Variants in SLC25A21 observed in about 807,000 individuals in gnomAD.
SLC25A21 encodes mitochondrial 2-oxodicarboxylate carrier.
Under a neutral mutation model 43.8 loss-of-function variants are expected in SLC25A21, and 47 were observed. The observed-to-expected ratio is 1.07, with a 90% CI of 0.85 to 1.37. The LOEUF is 1.37. SLC25A21 is among the 40% of genes most tolerant of loss of function. The pLI is 0.00. For missense variants in SLC25A21, 352 were observed against 350.2 expected (o/e 1.00, Z -0.04); for synonymous variants, 131 against 121.3 (o/e 1.08, Z -0.52).
chr14:36,799,913 T>C (rs1042777364), intron 3 of SLC25A21, among the ~76,000 whole-genome samples: 5 of 152,188 alleles, frequency 3.3e-5, no homozygotes, highest in African/African-American at 1.2e-4. Flanking sequence ...ATATGTAGTA[T>C]TATTATTCCT....
At chr14:36,703,774 T>C (rs2139174517) in intron 7 of SLC25A21, among the ~76,000 whole-genome samples, 1 of 152,342 alleles carries the variant, frequency 6.6e-6, no homozygotes, top group South Asian at 2.1e-4. Flanking sequence ...TTTATTTGCA[T>C]GTCAACATCA....
chr14:36,912,230 A>G (rs1891705797), intron 1 of SLC25A21, among the ~76,000 whole-genome samples: 1 of 152,236 alleles, frequency 6.6e-6, no homozygotes, highest in South Asian at 2.1e-4. Flanking sequence ...ACAAATAGTT[A>G]GCAGTTACTG....
chr14:36,705,099 G>C (rs1433465861), intron 7 of SLC25A21, among the ~76,000 whole-genome samples: 1 of 152,010 alleles, frequency 6.6e-6, no homozygotes, highest in Non-Finnish European at 1.5e-5. Flanking sequence ...GCCCAGGCTG[G>C]GTGCAATCTC....
chr14:36,855,174 A>G (rs1889862012), intron 2 of SLC25A21, among the ~76,000 whole-genome samples: 1 of 152,026 alleles, frequency 6.6e-6, no homozygotes, highest in South Asian at 2.1e-4. Context: ...TGAGAACTCC[A>G]AGGAGGATTA....
At chr14:36,804,922 G>GT (rs1566630158) in intron 3 of SLC25A21, among the ~76,000 whole-genome samples, 1 of 152,202 alleles carries the variant, frequency 6.6e-6, no homozygotes, top group East Asian at 1.9e-4. Flanking sequence ...TAATGTGACT[G>GT]TACTTCTAGC....
At position 36,680,199 on chromosome 14, in the gene SLC25A21, T is replaced by C; in HGVS notation, c.*459A>G. The C allele has an allele frequency of 1.2e-6, 1 of 849,292 alleles. No homozygotes were observed. The highest frequency in any genetic ancestry group is 1.4e-6 in the Non-Finnish European group (1 of 706,480). The allele number at this position is 849,292 out of a possible 1,614,324, so 52.6% of individuals were successfully genotyped here. On this transcript the variant is annotated 3_prime_UTR_variant, in exon 10 of 10. Coordinates refer to ENST00000331299, the MANE Select transcript of SLC25A21 (RefSeq NM_030631.4). ...AATATTATTTATGGAATAATTTAATTCATTATAAAAACTGCTTAAATTTTG... is the reference window on the plus strand; with the variant it reads ...AATATTATTTATGGAATAATTTAATCCATTATAAAAACTGCTTAAATTTTG...
At chr14:36,984,948 T>C (rs1225754808) in intron 1 of SLC25A21, among the ~76,000 whole-genome samples, 2 of 151,140 alleles carry the variant, frequency 1.3e-5, no homozygotes, top group South Asian at 2.1e-4. Flanking sequence ...AATGATAGAC[T>C]GGATTAAGAA....
intron 1 of SLC25A21, among the ~76,000 whole-genome samples, chr14:37,027,013 A>G (rs1054398660): frequency 6.6e-6 from 1 of 152,128 alleles, no homozygotes; most frequent in Non-Finnish European, 1.5e-5. Context: ...CAATCTTAGG[A>G]AATTGTTTAA....
intron 1 of SLC25A21, among the ~76,000 whole-genome samples, chr14:37,136,781 G>A (rs1963487912): frequency 6.6e-6 from 1 of 152,112 alleles, no homozygotes; most frequent in Admixed American, 6.6e-5. Flanking sequence ...AATGTATATT[G>A]CTTGGTGAAA....
chr14:36,756,180 G>A (rs918902718), intron 3 of SLC25A21, among the ~76,000 whole-genome samples: 3 of 152,342 alleles, frequency 2.0e-5, no homozygotes, highest in African/African-American at 7.2e-5. Flanking sequence ...TGTGATCCCT[G>A]CCAGGGCCTG....
intron 1 of SLC25A21, among the ~76,000 whole-genome samples, chr14:36,902,682 A>G (rs1212417289): frequency 6.6e-6 from 1 of 152,204 alleles, no homozygotes; most frequent in African/African-American, 2.4e-5. Context: ...CAAAATTTCT[A>G]TATTCCCAAA....
intron 6 of SLC25A21, among the ~76,000 whole-genome samples, chr14:36,720,884 C>G (rs1884345399): frequency 6.6e-6 from 1 of 152,178 alleles, no homozygotes; most frequent in Admixed American, 6.5e-5. Context: ...TGTAAGCAGG[C>G]TGCCAGTCCG....
At chr14:36,827,775 A>C (rs1020195085) in intron 2 of SLC25A21, among the ~76,000 whole-genome samples, 4 of 152,354 alleles carry the variant, frequency 2.6e-5, no homozygotes, top group African/African-American at 9.6e-5. Context: ...AAATACATAC[A>C]ATTTTTGTTA....
chr14:37,170,378 A>T (rs1473821849), intron 1 of SLC25A21, among the ~76,000 whole-genome samples: 2 of 152,130 alleles, frequency 1.3e-5, no homozygotes, highest in East Asian at 3.9e-4. Flanking sequence ...GCTGTGCCTA[A>T]TACATAGTAT....
At chr14:36,985,625 C>A (rs2138705760) in intron 1 of SLC25A21, among the ~76,000 whole-genome samples, 1 of 152,234 alleles carries the variant, frequency 6.6e-6, no homozygotes, top group African/African-American at 2.4e-5. Context: ...TATGTTATGA[C>A]CTCAGGGCAA....
chr14:37,123,820 C>A (rs1222353389), intron 1 of SLC25A21, among the ~76,000 whole-genome samples: 4 of 151,970 alleles, frequency 2.6e-5, no homozygotes, highest in Non-Finnish European at 5.9e-5. Context: ...CCCTAGGAGT[C>A]TGAGACCAGC....
chr14:36,921,911 A>G (rs1891989445), intron 1 of SLC25A21, among the ~76,000 whole-genome samples: 1 of 151,906 alleles, frequency 6.6e-6, no homozygotes, highest in African/African-American at 2.4e-5. Context: ...TTGGGAGGCC[A>G]AGATGAGTGA....
intron 1 of SLC25A21, among the ~76,000 whole-genome samples, chr14:36,967,918 T>C (rs1017599905): frequency 1.3e-5 from 2 of 152,142 alleles, no homozygotes; most frequent in African/African-American, 4.8e-5. Flanking sequence ...ATCCATCAAA[T>C]GGTCACCCAA....
At chr14:36,762,559 G>T (rs939570944) in intron 3 of SLC25A21, among the ~76,000 whole-genome samples, 3 of 152,218 alleles carry the variant, frequency 2.0e-5, no homozygotes, top group African/African-American at 7.2e-5. Flanking sequence ...CCTGAATATT[G>T]CAAATTAATC....
Sources: allele counts gnomAD v4.1 joint callset (sites outside exome capture counted in the v4.1 genomes callset), GRCh38; gene constraint gnomAD v4.1.1; transcripts MANE v1.5; gene names NCBI Gene and HGNC (gene_info 2026-07-23, HGNC 2026-07-21).